Variants in CDH12 observed in about 807,000 individuals in gnomAD.
CDH12 encodes the protein cadherin-12.
Under a neutral mutation model 74.1 loss-of-function variants are expected in CDH12, and 41 were observed. That is an observed-to-expected ratio of 0.55 (90% CI 0.43 to 0.72). The LOEUF (loss-of-function observed/expected upper bound fraction) is 0.72. CDH12 is among the 30% of genes least tolerant of loss of function. The probability of loss-of-function intolerance (pLI) is 0.00; values close to 1 mark genes in which losing one functional copy is unlikely to be tolerated. For synonymous variants in CDH12, 399 were observed against 355.0 expected, an observed-to-expected ratio of 1.12 and a Z score of -1.39; for missense variants, 945 against 977.2, an observed-to-expected ratio of 0.97 and a Z score of 0.44.
chr5:22,259,792 T>C (rs1034492786), intron 3 of CDH12, among the ~76,000 whole-genome samples: 5 of 152,118 alleles, frequency 3.3e-5, no homozygotes, highest in Admixed American at 3.3e-4. Context: ...AACAAACTAC[T>C]CAAGTATAAT....
intron 3 of CDH12, among the ~76,000 whole-genome samples, chr5:22,227,858 G>C (rs1561237838): frequency 1.3e-5 from 2 of 152,118 alleles, no homozygotes; most frequent in East Asian, 3.9e-4. Flanking sequence ...GTGGCGACAT[G>C]GCACACTTGG....
intron 1 of CDH12, among the ~76,000 whole-genome samples, chr5:22,844,237 T>C (rs1221002535): frequency 6.6e-6 from 1 of 152,162 alleles, no homozygotes; most frequent in Admixed American, 6.6e-5. Context: ...CACATTAAGG[T>C]TTCCTATAAT....
chr5:22,272,607 A>G (rs565427339), intron 3 of CDH12, among the ~76,000 whole-genome samples: 1 of 152,302 alleles, frequency 6.6e-6, no homozygotes, highest in Admixed American at 6.5e-5. Context: ...GAGATGTGGT[A>G]GTCTTCCTTT....
chr5:22,104,560 A>G (rs952192105), intron 4 of CDH12, among the ~76,000 whole-genome samples: 3 of 152,194 alleles, frequency 2.0e-5, no homozygotes, highest in African/African-American at 4.8e-5. Flanking sequence ...ATCTTTTCTA[A>G]GAATTTACAA....
chr5:22,776,144 A>G (rs1033990538), intron 1 of CDH12, among the ~76,000 whole-genome samples: 1 of 152,140 alleles, frequency 6.6e-6, no homozygotes, highest in African/African-American at 2.4e-5. Context: ...CTGCATGTTC[A>G]GGAACGGTCA....
intron 3 of CDH12, among the ~76,000 whole-genome samples, chr5:22,264,282 C>T (rs1200679017): frequency 6.6e-6 from 1 of 151,918 alleles, no homozygotes; most frequent in Non-Finnish European, 1.5e-5. Context: ...CACACATACA[C>T]AAACCCATGA....
intron 10 of CDH12, among the ~76,000 whole-genome samples, chr5:21,797,652 A>T (rs1253973830): frequency 6.6e-6 from 1 of 152,190 alleles, no homozygotes; most frequent in East Asian, 1.9e-4. Context: ...CACTTGTCAG[A>T]TACTAGCTAC....
intron 6 of CDH12, among the ~76,000 whole-genome samples, chr5:21,860,392 A>G (rs967135236): frequency 6.6e-6 from 1 of 151,282 alleles, no homozygotes; most frequent in Non-Finnish European, 1.5e-5. Flanking sequence ...TTTGGGGATT[A>G]TGTATGACTT....
chr5:22,685,621 T>C (rs1741745734), intron 1 of CDH12, among the ~76,000 whole-genome samples: 1 of 152,206 alleles, frequency 6.6e-6, no homozygotes, highest in African/African-American at 2.4e-5. Context: ...CATTTGCCTA[T>C]CCTGGATATT....
At chr5:21,883,361 T>G in intron 6 of CDH12, 2 of 1,530,834 alleles carry the variant, frequency 1.3e-6, no homozygotes, top group Non-Finnish European at 1.8e-6. Flanking sequence ...TCCAGTCCAT[T>G]GTACCTGCTC....
intron 4 of CDH12, among the ~76,000 whole-genome samples, chr5:22,102,780 C>T (rs975059188): frequency 2.6e-5 from 4 of 152,132 alleles, no homozygotes; most frequent in African/African-American, 4.8e-5. Context: ...GCCATGAGAA[C>T]TCCGTGGATT....
chr5:21,765,116 A>C lies in CDH12; in HGVS notation c.1394-17T>G, dbSNP rs759514290. On this transcript the variant is annotated splice_polypyrimidine_tract_variant and intron_variant, in intron 11 of 14. Coordinates refer to ENST00000382254, the MANE Select transcript of CDH12 (RefSeq NM_004061.5). ...AAGGGTTACCTGTTAAAAACATATA[A>C]AGATAAAAGATGATTACAAAATCCG... 2.0e-6 allele frequency: 3 copies of C among 1,505,532 alleles called. No homozygotes were observed. Among genetic ancestry groups the C allele is most frequent in the Non-Finnish European group, 2.7e-6 (3 of 1,128,186 alleles). 93.3% of individuals were successfully genotyped at this position (1,505,532 alleles called of 1,614,324 possible). A position where few individuals can be genotyped will look rare whatever the true frequency, so the allele number is the denominator to read the frequency against.
At chr5:22,697,529 A>G (rs1425136969) in intron 1 of CDH12, among the ~76,000 whole-genome samples, 2 of 143,124 alleles carry the variant, frequency 1.4e-5, no homozygotes, top group South Asian at 2.2e-4. Context: ...CCGAGATAGC[A>G]CCACTGCACT....
chr5:22,431,032 G>A (rs776956759), intron 2 of CDH12, among the ~76,000 whole-genome samples: 6 of 152,104 alleles, frequency 3.9e-5, no homozygotes, highest in African/African-American at 1.4e-4. Context: ...TATTCCTGCA[G>A]TAGCCTTAAA....
intron 3 of CDH12, among the ~76,000 whole-genome samples, chr5:22,232,355 TA>T (rs1752414424): frequency 6.6e-6 from 1 of 151,904 alleles, no homozygotes; most frequent in Non-Finnish European, 1.5e-5. Context: ...TTTTGAGTTG[TA>T]AAACCATGTG....
At chr5:22,329,027 G>C (rs1171941462) in intron 3 of CDH12, among the ~76,000 whole-genome samples, 1 of 151,344 alleles carries the variant, frequency 6.6e-6, no homozygotes, top group Non-Finnish European at 1.5e-5. Flanking sequence ...CAAGACAAGA[G>C]AAGAGAGAAT....
At chr5:22,041,237 C>G (rs953370079) in intron 5 of CDH12, among the ~76,000 whole-genome samples, 15 of 151,760 alleles carry the variant, frequency 9.9e-5, no homozygotes, top group African/African-American at 3.4e-4. Context: ...AAGAAAATTA[C>G]AAAAATAAAC....
At chr5:22,188,543 A>G (rs1750096231) in intron 4 of CDH12, among the ~76,000 whole-genome samples, 1 of 152,184 alleles carries the variant, frequency 6.6e-6, no homozygotes, top group South Asian at 2.1e-4. Flanking sequence ...CATTGGCATC[A>G]CAAATAGAAA....
At chr5:21,954,872 TAAATGTA>T (rs1486559244) in intron 6 of CDH12, among the ~76,000 whole-genome samples, 1 of 152,112 alleles carries the variant, frequency 6.6e-6, no homozygotes, top group Non-Finnish European at 1.5e-5. Context: ...TATCCCTCAT[TAAATGTA>T]AAATCAACAG....
Sources: allele counts gnomAD v4.1 joint callset (sites outside exome capture counted in the v4.1 genomes callset), GRCh38; gene constraint gnomAD v4.1.1; transcripts MANE v1.5; gene names NCBI Gene and HGNC (gene_info 2026-07-23, HGNC 2026-07-21).